The following CCDC102B variants were observed in gnomAD, a reference collection of about 807,000 sequenced individuals.
The protein encoded by CCDC102B is coiled-coil domain-containing protein 102B.
A neutral mutation model predicts 57.4 loss-of-function variants in CCDC102B; 75 were observed. The ratio of observed to expected loss-of-function variants is 1.31; its 90% CI spans 1.08 to 1.58. The LOEUF (loss-of-function observed/expected upper bound fraction) is 1.58. Among genes scored for constraint, CCDC102B ranks in the 40% most tolerant of loss-of-function variants. CCDC102B has a pLI of 0.00. For synonymous variants in CCDC102B, 206 were observed against 201.9 expected (o/e 1.02, Z -0.17); for missense variants, 636 against 582.6 (o/e 1.09, Z -0.94).
At chr18:68,965,705 G>A (rs1355219023) in intron 6 of CCDC102B, among the ~76,000 whole-genome samples, 1 of 151,822 alleles carries the variant, frequency 6.6e-6, no homozygotes, top group African/African-American at 2.4e-5. Flanking sequence ...TCCAGTATCA[G>A]TATCTCTGAT....
intron 7 of CCDC102B, among the ~76,000 whole-genome samples, chr18:69,041,357 G>A (rs2052430140): frequency 6.6e-6 from 1 of 151,946 alleles, no homozygotes; most frequent in South Asian, 2.1e-4. Context: ...CCCCGATAGT[G>A]TATCTTGCAC....
intron 1 of CCDC102B, among the ~76,000 whole-genome samples, chr18:68,808,468 C>CTTTTTTTTTTTTTTTTT (rs1157601164): frequency 2.2e-5 from 2 of 91,786 alleles, no homozygotes; most frequent in Middle Eastern, 0.012. Context: ...GCTTTTACTA[C>CTTTTTTTTTTTTTTTTT]TTTTTTTTTT....
chr18:68,931,847 G>C (rs924092357), intron 6 of CCDC102B, among the ~76,000 whole-genome samples: 1 of 151,888 alleles, frequency 6.6e-6, no homozygotes, highest in Non-Finnish European at 1.5e-5. Flanking sequence ...TTGTAAGGGA[G>C]GCTAAGAAAT....
intron 2 of CCDC102B, among the ~76,000 whole-genome samples, chr18:68,738,286 A>G (rs577414471): frequency 1.9e-4 from 29 of 152,264 alleles, no homozygotes; most frequent in African/African-American, 6.7e-4. Flanking sequence ...ATTCTTTGCT[A>G]CAGAAATATG....
intron 6 of CCDC102B, among the ~76,000 whole-genome samples, chr18:68,906,117 A>G (rs1433703655): frequency 6.6e-6 from 1 of 152,048 alleles, no homozygotes; most frequent in Non-Finnish European, 1.5e-5. Flanking sequence ...TAAATTTATC[A>G]TAATGTTTTC....
chr18:68,858,819 A>G (rs2038602956), intron 4 of CCDC102B: 1 of 152,176 alleles, frequency 6.6e-6, no homozygotes, highest in South Asian at 2.1e-4. Flanking sequence ...AGATCTTTGG[A>G]ATAAATATTT....
chr18:69,029,707 G>GAC (rs1293535209), intron 7 of CCDC102B, among the ~76,000 whole-genome samples: 1 of 152,094 alleles, frequency 6.6e-6, no homozygotes, highest in Non-Finnish European at 1.5e-5. Context: ...TCATTCTATT[G>GAC]ACTCTGTATT....
intron 1 of CCDC102B, among the ~76,000 whole-genome samples, chr18:68,829,856 A>G (rs957160434): frequency 6.6e-6 from 1 of 151,996 alleles, no homozygotes; most frequent in Admixed American, 6.6e-5. Context: ...ATATTTGGAA[A>G]TCTCGATGAA....
At chr18:69,018,785 AT>A (rs2051743958) in intron 7 of CCDC102B, among the ~76,000 whole-genome samples, 1 of 151,440 alleles carries the variant, frequency 6.6e-6, no homozygotes. Context: ...TAATTCGTTT[AT>A]TTTTGATTTT....
chr18:69,057,600 G>T (rs974417426), downstream of CCDC102B, among the ~76,000 whole-genome samples: 1 of 152,032 alleles, frequency 6.6e-6, no homozygotes. Context: ...CAAATGGTTA[G>T]AGCAGGTTAT....
intron 4 of CCDC102B, among the ~76,000 whole-genome samples, chr18:68,873,070 T>G (rs2039299316): frequency 6.6e-6 from 1 of 152,188 alleles, no homozygotes; most frequent in South Asian, 2.1e-4. Context: ...ATTCTTTTGG[T>G]GGACCTAAAC....
chr18:68,981,978 AT>A (rs2050596479), intron 6 of CCDC102B, among the ~76,000 whole-genome samples: 2 of 151,920 alleles, frequency 1.3e-5, no homozygotes, highest in Admixed American at 1.3e-4. Flanking sequence ...AATTAAAAAA[AT>A]AAATAAATAA....
At position 68,956,474 on chromosome 18, in the gene CCDC102B, A is replaced by AT. The variant is rs1568352502; in HGVS notation, c.1264-54459dup. ...ATATTATATATTTTATATATATATT[A>AT]TATATATATAATATATATATAAAAT... On this transcript the variant is annotated intron_variant, in intron 6 of 7. Transcript: ENST00000360242. Among the ~76,000 whole-genome samples the AT allele has an allele frequency of 4.4e-3, 174 of 39,400 alleles. 22 individuals carry two copies. The highest frequency in any genetic ancestry group is 0.012 in the African/African-American group (90 of 7,582). The allele number at this position is 39,400 out of a possible 152,430, so 25.8% of individuals were successfully genotyped here. A position where few individuals can be genotyped will look rare whatever the true frequency, so the allele number is the denominator to read the frequency against.
At chr18:68,842,748 C>T (rs1374565453) in intron 3 of CCDC102B, among the ~76,000 whole-genome samples, 3 of 152,056 alleles carry the variant, frequency 2.0e-5, no homozygotes, top group East Asian at 3.9e-4. Context: ...TAATGGTGGC[C>T]GAAATAGTGT....
chr18:68,948,925 C>T (rs780805903), intron 6 of CCDC102B, among the ~76,000 whole-genome samples: 6 of 152,120 alleles, frequency 3.9e-5, no homozygotes, highest in East Asian at 3.9e-4. Context: ...TTAACTTACA[C>T]GATCACAAGG....
chr18:68,947,360 A>G (rs978014728), intron 6 of CCDC102B, among the ~76,000 whole-genome samples: 2 of 152,220 alleles, frequency 1.3e-5, no homozygotes, highest in East Asian at 1.9e-4. Flanking sequence ...TATATTTGCA[A>G]TATTCCCAGT....
chr18:68,976,770 A>G (rs1483147921), intron 6 of CCDC102B, among the ~76,000 whole-genome samples: 1 of 151,998 alleles, frequency 6.6e-6, no homozygotes, highest in Non-Finnish European at 1.5e-5. Flanking sequence ...GCATAGAATT[A>G]GGATTGCAAT....
intron 7 of CCDC102B, among the ~76,000 whole-genome samples, chr18:69,040,327 T>C (rs975250020): frequency 6.6e-6 from 1 of 151,954 alleles, no homozygotes; most frequent in African/African-American, 2.4e-5. Flanking sequence ...TTTTTATTTT[T>C]GAATCCTTGA....
chr18:68,837,028 G>A lies in CCDC102B; in HGVS notation c.265G>A (p.Glu89Lys). 1.2e-6 allele frequency: 2 copies of A among 1,614,176 alleles called. No individual in the cohort carries two copies. Among genetic ancestry groups the A allele is most frequent in the Non-Finnish European group, 1.7e-6 (2 of 1,180,036 alleles). Reference protein sequence around the residue: ...EEVKARAAQMEKTMRWWSDCT... With the variant: ...EEVKARAAQMKKTMRWWSDCT... ...AGTCAAGGCCAGAGCTGCTCAGATG[G>A]AAAAGACCATGCGGTGGTGGTCGGA... Residue 89 changes from glutamate to lysine, a missense_variant, in exon 2 of 8, where the codon GAA (glutamate) becomes AAA (lysine). Transcript: ENST00000360242.
Sources: gnomAD v4.1 joint callset for allele counts (sites outside exome capture counted in the v4.1 genomes callset) on GRCh38, gnomAD v4.1.1 for gene constraint, MANE v1.5 for transcripts, NCBI Gene and HGNC (gene_info 2026-07-23, HGNC 2026-07-21) for gene names.